The following CEP128 variants were observed in gnomAD, a reference collection of about 807,000 sequenced individuals.
The protein encoded by CEP128 is centrosomal protein 128.
A neutral mutation model predicts 156.7 loss-of-function variants in CEP128; 132 were observed. That is an observed-to-expected ratio of 0.84 (90% confidence interval 0.73 to 0.97). The LOEUF is 0.97. CEP128 is among the 50% of genes least tolerant of loss of function. CEP128 has a pLI of 0.00. For synonymous variants in CEP128, 469 were observed against 448.9 expected, an observed-to-expected ratio of 1.04 and a Z score of -0.57; for missense variants, 1,252 against 1,281.9, an observed-to-expected ratio of 0.98 and a Z score of 0.36.
downstream of CEP128, among the ~76,000 whole-genome samples, chr14:80,495,836 T>C (rs1006955497): frequency 6.6e-6 from 1 of 152,192 alleles, no homozygotes; most frequent in Admixed American, 6.5e-5. Flanking sequence ...TATTTTCTTC[T>C]CTGCTGGTTA....
At chr14:80,939,149 G>A (rs1886005716) in intron 2 of CEP128, among the ~76,000 whole-genome samples, 1 of 152,216 alleles carries the variant, frequency 6.6e-6, no homozygotes, top group Non-Finnish European at 1.5e-5. Context: ...TTGCTTAATA[G>A]AAACAGGTAC....
At chr14:80,558,146 CTA>C (rs1164423541) in intron 21 of CEP128, among the ~76,000 whole-genome samples, 3 of 151,818 alleles carry the variant, frequency 2.0e-5, no homozygotes, top group Non-Finnish European at 2.9e-5. Context: ...TTTTATATGC[CTA>C]TATGTCATCA....
chr14:80,645,982 T>C (rs1894613935), intron 19 of CEP128, among the ~76,000 whole-genome samples: 1 of 152,130 alleles, frequency 6.6e-6, no homozygotes, highest in Non-Finnish European at 1.5e-5. Flanking sequence ...AGGTACATTG[T>C]ATGATATTTA....
Position 80,740,697 on chromosome 14 carries a change from A to G in CEP128, c.2806+2378T>C, listed in dbSNP as rs1454240724. ...TGGAAGACCATTTTCTTTTTTCTAC[A>G]TCCTCTTACCTGTAGTACTTTCCCT... On this transcript the variant is annotated intron_variant, in intron 19 of 24. Coordinates refer to ENST00000555265, the MANE Select transcript of CEP128 (RefSeq NM_152446.5). 2.0e-5 allele frequency among the ~76,000 whole-genome samples: 3 copies of G among 152,140 alleles called. No homozygotes were observed. In the East Asian group the frequency reaches 5.8e-4, roughly 29 times the overall value.
At chr14:80,694,917 T>TA (rs778911406) in intron 19 of CEP128, among the ~76,000 whole-genome samples, 3,855 of 130,876 alleles carry the variant, frequency 0.029, 133 homozygotes, top group African/African-American at 0.086. Flanking sequence ...AAAGTAAAAT[T>TA]AAAAAAAAAA....
chr14:80,693,616 T>C (rs1490402301), intron 19 of CEP128, among the ~76,000 whole-genome samples: 3 of 152,160 alleles, frequency 2.0e-5, no homozygotes, highest in African/African-American at 7.2e-5. Context: ...CATACTTCTT[T>C]ATTTTAAAAA....
At chr14:80,724,982 T>C (rs922682989) in intron 19 of CEP128, among the ~76,000 whole-genome samples, 1 of 146,082 alleles carries the variant, frequency 6.8e-6, no homozygotes, top group Admixed American at 6.9e-5. Context: ...TACATATATA[T>C]CATATATACA....
At chr14:80,874,648 C>T (rs1164042054) in intron 8 of CEP128, among the ~76,000 whole-genome samples, 10 of 152,166 alleles carry the variant, frequency 6.6e-5, no homozygotes, top group Non-Finnish European at 1.3e-4. Context: ...GACGGAGTCT[C>T]GCTCTGTCGC....
In CEP128 at chr14:80,572,696, A is replaced by C. The variant is rs536153817; in HGVS notation, c.2856+7678T>G. 5.7e-4 allele frequency among the ~76,000 whole-genome samples: 57 copies of C among 100,704 alleles called. No individual in the cohort carries two copies. The South Asian group carries it at 0.018, about 32-fold the overall frequency. The allele number at this position is 100,704 out of a possible 152,430, so 66.1% of individuals were successfully genotyped here. On this transcript the variant is annotated intron_variant, in intron 20 of 24. Coordinates refer to ENST00000555265, the MANE Select transcript of CEP128 (RefSeq NM_152446.5). Reference sequence around the variant, plus strand: ...AACATCATAATGTGTTGAGATTTGAAAACAACAAAAAAAAACACAAGAAAA... The same window carrying C: ...AACATCATAATGTGTTGAGATTTGACAACAACAAAAAAAAACACAAGAAAA...
chr14:80,540,195 A>ACGC (rs1407492232), intron 21 of CEP128, among the ~76,000 whole-genome samples: 1 of 87,432 alleles, frequency 1.1e-5, no homozygotes, highest in Admixed American at 1.1e-4. Flanking sequence ...CCCTGTTCTT[A>ACGC]CACCCCCCCC....
intron 19 of CEP128, among the ~76,000 whole-genome samples, chr14:80,658,908 C>T (rs1017995486): frequency 5.9e-5 from 9 of 152,158 alleles, no homozygotes; most frequent in Non-Finnish European, 1.2e-4. Flanking sequence ...AATGAGACTG[C>T]TGACAGGGGA....
intron 8 of CEP128, among the ~76,000 whole-genome samples, chr14:80,874,854 G>A (rs1053081729): frequency 4.6e-5 from 7 of 152,106 alleles, no homozygotes; most frequent in South Asian, 2.1e-4. Flanking sequence ...TCCTGACCTC[G>A]TGATCCGCCC....
intron 9 of CEP128, among the ~76,000 whole-genome samples, chr14:80,845,672 T>C (rs548082407): frequency 1.3e-5 from 2 of 152,300 alleles, no homozygotes; most frequent in Middle Eastern, 3.4e-3. Context: ...AGTTAAAGGA[T>C]GTTATTTTAT....
At chr14:80,880,554 T>C (rs958859228) in intron 8 of CEP128, among the ~76,000 whole-genome samples, 2 of 152,016 alleles carry the variant, frequency 1.3e-5, no homozygotes, top group Non-Finnish European at 1.5e-5. Context: ...GAAATGGTCC[T>C]ACACATCAAA....
intron 8 of CEP128, among the ~76,000 whole-genome samples, chr14:80,882,981 A>G (rs901476786): frequency 3.3e-5 from 5 of 152,192 alleles, no homozygotes; most frequent in Non-Finnish European, 5.9e-5. Context: ...CTGGTGTTTG[A>G]TAGCACAAAA....
exon 15 of CEP128, chr14:80,477,774 T>C (rs1886969813): frequency 6.6e-6 from 1 of 152,228 alleles, no homozygotes; most frequent in African/African-American, 2.4e-5. Context: ...AAAGTTCTAC[T>C]AGCATTTTCT....
chr14:80,899,955 C>G lies in CEP128; in HGVS notation c.555G>C (p.Glu185Asp), dbSNP rs752874637. 1.9e-6 allele frequency: 3 copies of G among 1,613,106 alleles called. No homozygotes were observed. The highest frequency in any genetic ancestry group is 2.5e-6 in the Non-Finnish European group (3 of 1,179,264). ...GCTTTTACCGGCTCCTTCTGGAAAG[C>G]TCCCTGTTGAAATCATCTCCAAGGC... The part of the protein sequence containing the change: ...QIRLGDDFNR[E>D]LSRRSRSDAE... Residue 185 changes from glutamate (E) to aspartate (D), a missense_variant, in exon 7 of 25, where the codon GAG becomes GAC. Transcript: ENST00000555265.
chr14:80,788,639 T>C (rs752572102), intron 14 of CEP128, among the ~76,000 whole-genome samples: 9 of 152,136 alleles, frequency 5.9e-5, no homozygotes, highest in Non-Finnish European at 1.2e-4. Context: ...CCCCTAAATA[T>C]GATTTCTGTT....
chr14:80,559,153 C>A, intron 21 of CEP128, 126 bp downstream of exon 21: 2 of 826,990 alleles, frequency 2.4e-6, no homozygotes, highest in Non-Finnish European at 3.9e-6. Flanking sequence ...CTTGTTTTCC[C>A]CTTTGACATC....
Sources: gnomAD v4.1 joint callset for allele counts (sites outside exome capture counted in the v4.1 genomes callset) on GRCh38, gnomAD v4.1.1 for gene constraint, MANE v1.5 for transcripts, NCBI Gene and HGNC (gene_info 2026-07-23, HGNC 2026-07-21) for gene names.